Variants in PRDX5 observed in about 807,000 individuals in gnomAD.
The protein encoded by PRDX5 is peroxiredoxin 5, also known as peroxiredoxin-5, mitochondrial.
Under a neutral mutation model 23.8 loss-of-function variants are expected in PRDX5, and 21 were observed. The ratio of observed to expected loss-of-function variants is 0.88; its 90% confidence interval spans 0.63 to 1.27. The LOEUF (loss-of-function observed/expected upper bound fraction) is 1.27. Among genes scored for constraint, PRDX5 ranks in the 50% most tolerant of loss-of-function variants. The pLI is 0.00. For synonymous variants in PRDX5, 111 were observed against 113.3 expected, an observed-to-expected ratio of 0.98 and a Z score of 0.13; for missense variants, 261 against 270.6, an observed-to-expected ratio of 0.96 and a Z score of 0.25.
rs1170313282 is a variant in PRDX5 at position 64,319,836 on chromosome 11, G to C, written c.274G>C (p.Val92Leu). 1 of 1,614,160 alleles carries C rather than the reference G, an allele frequency of 6.2e-7. No homozygotes were observed. The highest frequency in any genetic ancestry group is 1.7e-5 in the Admixed American group (1 of 60,028). The change falls in exon 2 of 6, where the codon GTT becomes CTT. Residue 92 changes from valine to leucine, a missense_variant. Transcript: ENST00000265462. ...GGGCAAGAAGGGTGTGCTGTTTGGA[G>C]TTCCTGGGGCCTTCACCCCTGGATG... The part of the protein sequence containing the change: ...FKGKKGVLFG[V>L]PGAFTPGCSK...
chr11:64,319,615 T>G, intron 1 of PRDX5, 119 bp from the exon 2 acceptor site: 1 of 1,305,620 alleles, frequency 7.7e-7, no homozygotes, highest in Non-Finnish European at 1.1e-6. Flanking sequence ...GGCTGGAGTA[T>G]CCTGCTGGGT....
intron 2 of PRDX5, 72 bp downstream of exon 2, chr11:64,319,940 C>T (rs2035445965): frequency 1.9e-6 from 3 of 1,548,174 alleles, no homozygotes; most frequent in Non-Finnish European, 2.6e-6. Context: ...CCACATAGTC[C>T]TGATAGGACT....
intron 1 of PRDX5, among the ~76,000 whole-genome samples, chr11:64,319,460 A>G (rs1443967088): frequency 2.0e-5 from 3 of 152,074 alleles, no homozygotes; most frequent in South Asian, 2.1e-4. Flanking sequence ...ATGTTATGCA[A>G]CCCTTTGCGA....
intron 5 of PRDX5, among the ~76,000 whole-genome samples, chr11:64,321,321 GT>G (rs2035494443): frequency 6.7e-6 from 1 of 149,876 alleles, no homozygotes; most frequent in African/African-American, 2.5e-5. Context: ...AGAGTCCTGT[GT>G]GGGAGAGAGT....
Position 64,320,893 on chromosome 11 carries a change from C to A in PRDX5, c.467C>A (p.Ala156Asp), listed in dbSNP as rs376165757. 1.7e-5 allele frequency: 28 copies of A among 1,614,034 alleles called. No homozygotes were observed. Among genetic ancestry groups the A allele is most frequent in the Admixed American group, 5.0e-5 (3 of 59,990 alleles). The change falls in exon 4 of 6, where the codon GCC becomes GAC. Residue 156 changes from alanine (A) to aspartate (D), a missense_variant. Transcript: ENST00000265462. ...CGGCTCCTGGCTGATCCCACTGGGG[C>A]CTTTGGGAAGGTGAGTGTTCCCCTG... The part of the protein sequence containing the change: ...KVRLLADPTG[A>D]FGKETDLLLD...
intron 1 of PRDX5, 36 bp downstream of exon 1, chr11:64,318,422 C>T (rs373094666): frequency 1.1e-5 from 17 of 1,578,594 alleles, no homozygotes; most frequent in Non-Finnish European, 1.5e-5. Flanking sequence ...ACATCCCCCA[C>T]TACCCCCATG....
At position 64,320,838 on chromosome 11, in the gene PRDX5, T is replaced by G. The variant is rs538712609; in HGVS notation, c.439-27T>G. On this transcript the variant is annotated intron_variant, in intron 3 of 5. Coordinates refer to ENST00000265462, the MANE Select transcript of PRDX5 (RefSeq NM_012094.5). ...GGAGTCAGGACCAGGTAGGATATTCTTCTTGTGACCTTTACTTTCTCTGCA... is the reference window on the plus strand; with the variant it reads ...GGAGTCAGGACCAGGTAGGATATTCGTCTTGTGACCTTTACTTTCTCTGCA... 1.5e-4 allele frequency: 243 copies of G among 1,614,218 alleles called. 3 individuals are homozygous for G. In the South Asian group the frequency reaches 2.2e-3, roughly 14 times the overall value.
chr11:64,320,284 G>GAA (rs111316782), intron 2 of PRDX5, among the ~76,000 whole-genome samples: 2 of 104,024 alleles, frequency 1.9e-5, no homozygotes, highest in African/African-American at 7.2e-5. Flanking sequence ...GTCTCAAAAT[G>GAA]AAAAAAAAAA....
At chr11:64,321,528 C>T (rs1378987264) in intron 5 of PRDX5, 58 bp from the exon 6 acceptor site, 5 of 1,587,604 alleles carry the variant, frequency 3.1e-6, no homozygotes, top group Non-Finnish European at 4.3e-6. Context: ...CTGCCTGTCT[C>T]CATGCCCAGC....
At position 64,320,756 on chromosome 11, in the gene PRDX5, T is replaced by C. The variant is rs144975955; in HGVS notation, c.402T>C (p.Thr134=). The part of the protein sequence containing the change: ...ACLSVNDAFV[T]GEWGRAHKAE... ...TGAGTGTTAATGATGCCTTTGTGAC[T>C]GGCGAGTGGGGCCGAGCCCACAAGG... Residue 134 remains threonine (T), a synonymous_variant, in exon 3 of 6, where the codon ACT becomes ACC. Coordinates refer to ENST00000265462, the MANE Select transcript of PRDX5 (RefSeq NM_012094.5). The C allele has an allele frequency of 1.9e-6, 3 of 1,613,958 alleles. No homozygotes were observed. The East Asian group carries it at 6.7e-5, about 36-fold the overall frequency.
intron 1 of PRDX5, among the ~76,000 whole-genome samples, chr11:64,318,641 C>T (rs1200320921): frequency 2.0e-5 from 3 of 152,060 alleles, no homozygotes; most frequent in African/African-American, 7.2e-5. Flanking sequence ...TTCTGTGTCG[C>T]CCAGGCTGGA....
At position 64,321,021 on chromosome 11, in the gene PRDX5, A is replaced by C; in HGVS notation, c.492A>C (p.Leu164Phe). The C allele has an allele frequency of 6.2e-7, 1 of 1,614,090 alleles. No individual in the cohort carries two copies. The highest frequency in any genetic ancestry group is 8.5e-7 in the Non-Finnish European group (1 of 1,179,994). The change falls in exon 5 of 6, where the codon TTA becomes TTC. Residue 164 changes from leucine (L) to phenylalanine (F), a missense_variant. Transcript: ENST00000265462. ...TCTCTTCTTAGGAGACAGACTTATT[A>C]CTAGATGATTCGCTGGTGTCCATCT... is the stretch of plus-strand genomic sequence containing the variant. ...TGAFGKETDL[L>F]LDDSLVSIFG...
rs1209804460 is a variant in PRDX5 at position 64,321,057 on chromosome 11, A to G, written c.528A>G (p.Arg176=). 2 of 1,613,796 alleles carry G rather than the reference A, an allele frequency of 1.2e-6. No homozygotes were observed. Among genetic ancestry groups the G allele is most frequent in the Non-Finnish European group, 1.7e-6 (2 of 1,179,900 alleles). Residue 176 remains arginine (R), a synonymous_variant, in exon 5 of 6, where the codon CGA becomes CGG. Transcript: ENST00000265462. ...CGCTGGTGTCCATCTTTGGGAATCG[A>G]CGTCTCAAGAGGTAAAAGTGGAGAG... ...DDSLVSIFGN[R]RLKRFSMVVQ...
In PRDX5 at chr11:64,321,685, G is replaced by T. The variant is rs1331263050; in HGVS notation, c.639G>T (p.Gln213His). 5 of 1,575,740 alleles carry T rather than the reference G, an allele frequency of 3.2e-6. No individual in the cohort carries two copies. Among genetic ancestry groups the T allele is most frequent in the Non-Finnish European group, 4.3e-6 (5 of 1,160,674 alleles). Residue 213 changes from glutamine to histidine, a missense_variant, in exon 6 of 6, where the codon CAG becomes CAT. By Grantham distance (24) the Gln-to-His change is conservative (BLOSUM62 0). Transcript: ENST00000265462. ...TCSLAPNIIS[Q>H]L is the part of the protein sequence containing the mutation. The stretch of plus-strand genomic sequence containing the variant: ...GCCTGGCACCCAATATCATCTCACA[G>T]CTCTGAGGCCCTGGGCCAGATTACT...
At chr11:64,319,276 T>C (rs1284786975) in intron 1 of PRDX5, among the ~76,000 whole-genome samples, 1 of 151,830 alleles carries the variant, frequency 6.6e-6, no homozygotes, top group African/African-American at 2.4e-5. Context: ...CTGGACACCC[T>C]CCCCCAACGT....
intron 2 of PRDX5, among the ~76,000 whole-genome samples, chr11:64,320,268 G>C (rs1218694343): frequency 1.3e-5 from 2 of 150,392 alleles, no homozygotes; most frequent in South Asian, 4.2e-4. Flanking sequence ...GAAAGAGCGA[G>C]ACTCCGTCTC....
chr11:64,318,495 T>A, intron 1 of PRDX5, 109 bp downstream of exon 1: 1 of 1,389,478 alleles, frequency 7.2e-7, no homozygotes, highest in Non-Finnish European at 9.7e-7. Context: ...ACCCCTCCCC[T>A]CCGCCCGCCC....
chr11:64,320,639 A>T (rs1591257738), intron 2 of PRDX5, 22 bp from the exon 3 acceptor site: 2 of 1,565,572 alleles, frequency 1.3e-6, no homozygotes, highest in Non-Finnish European at 8.7e-7. Flanking sequence ...CCCTTTGCCG[A>T]CCCTTTGTTC....
In PRDX5 at chr11:64,321,654, C is replaced by T. The variant is rs1214547845; in HGVS notation, c.608C>T (p.Thr203Ile). Residue 203 changes from threonine to isoleucine, a missense_variant, in exon 6 of 6, where the codon ACC becomes ATC. By Grantham distance (89) the Thr-to-Ile change is moderately conservative. Transcript: ENST00000265462. ...LNVEPDGTGL[T>I]CSLAPNIISQ... is the part of the protein sequence containing the mutation. ...GTGGAACCAGATGGCACAGGCCTCA[C>T]CTGCAGCCTGGCACCCAATATCATC... is the stretch of plus-strand genomic sequence containing the variant. 4.4e-6 allele frequency: 7 copies of T among 1,605,214 alleles called. No individual in the cohort carries two copies. The highest frequency in any genetic ancestry group is 5.1e-6 in the Non-Finnish European group (6 of 1,176,214).
Sources: gnomAD v4.1 joint callset for allele counts (sites outside exome capture counted in the v4.1 genomes callset) on GRCh38, gnomAD v4.1.1 for gene constraint, MANE v1.5 for transcripts, NCBI Gene and HGNC (gene_info 2026-07-23, HGNC 2026-07-21) for gene names.